The following FAM227B variants were observed in gnomAD, a reference collection of about 807,000 sequenced individuals.
The protein encoded by FAM227B is protein FAM227B.
FAM227B carries 88 observed loss-of-function variants against 73.8 expected under a neutral mutation model. The ratio of observed to expected loss-of-function variants is 1.19; its 90% CI spans 1.00 to 1.42. FAM227B has a LOEUF of 1.42. Among genes scored for constraint, FAM227B ranks in the 40% most tolerant of loss-of-function variants. The pLI, the probability that FAM227B is intolerant of heterozygous loss-of-function variation, is 0.00. For synonymous variants in FAM227B, 210 were observed against 190.5 expected, an observed-to-expected ratio of 1.10 and a Z score of -0.84; for missense variants, 632 against 590.9, an observed-to-expected ratio of 1.07 and a Z score of -0.72.
intron 11 of FAM227B, among the ~76,000 whole-genome samples, chr15:49,434,126 G>T (rs2050866810): frequency 6.6e-6 from 1 of 151,414 alleles, no homozygotes; most frequent in Admixed American, 6.6e-5. Flanking sequence ...GGAGTCTTTT[G>T]GTATCTTACG....
chr15:49,603,403 C>T (rs115069643), intron 3 of FAM227B, among the ~76,000 whole-genome samples: 2,599 of 152,092 alleles, frequency 0.017, 35 homozygotes, highest in Middle Eastern at 0.037. Context: ...GGCTACTATA[C>T]ATGGGATTAC....
At chr15:49,369,816 G>T (rs2045684914) in intron 12 of FAM227B, among the ~76,000 whole-genome samples, 1 of 152,144 alleles carries the variant, frequency 6.6e-6, no homozygotes, top group African/African-American at 2.4e-5. Flanking sequence ...CTTTCCTACA[G>T]TAGCTCTCTA....
chr15:49,354,432 G>C (rs2151328619), intron 13 of FAM227B, among the ~76,000 whole-genome samples: 1 of 152,364 alleles, frequency 6.6e-6, no homozygotes, highest in East Asian at 1.9e-4. Context: ...TGCCTCACTT[G>C]GGAAGCGCAA....
At chr15:49,499,893 G>A (rs62009983) in intron 11 of FAM227B, among the ~76,000 whole-genome samples, 49,383 of 151,948 alleles carry the variant, frequency 0.32, 8,751 homozygotes, top group African/African-American at 0.45. Flanking sequence ...CTACAACTCT[G>A]AACTATAAAG....
chr15:49,333,843 T>G (rs968046141), intron 14 of FAM227B, among the ~76,000 whole-genome samples: 8 of 152,212 alleles, frequency 5.3e-5, no homozygotes, highest in South Asian at 4.1e-4. Flanking sequence ...ATAAAATAAA[T>G]GAGCCCAATT....
At chr15:49,608,279 T>C (rs976070964) in intron 3 of FAM227B, among the ~76,000 whole-genome samples, 2 of 152,170 alleles carry the variant, frequency 1.3e-5, no homozygotes, top group African/African-American at 4.8e-5. Flanking sequence ...GAATTGGCTA[T>C]GTATTTGTCA....
intron 13 of FAM227B, among the ~76,000 whole-genome samples, chr15:49,358,501 A>G (rs1267111156): frequency 1.4e-5 from 2 of 146,874 alleles, no homozygotes; most frequent in Non-Finnish European, 3.0e-5. Flanking sequence ...CTTCAAAGAG[A>G]ATAAAATACC....
At chr15:49,377,187 A>C (rs1359269073) in intron 11 of FAM227B, among the ~76,000 whole-genome samples, 1 of 151,976 alleles carries the variant, frequency 6.6e-6, no homozygotes, top group Non-Finnish European at 1.5e-5. Flanking sequence ...TGTTGTTGCA[A>C]ATGCCTGGAC....
intron 13 of FAM227B, among the ~76,000 whole-genome samples, chr15:49,367,016 T>A (rs2045333573): frequency 6.6e-6 from 1 of 152,190 alleles, no homozygotes; most frequent in African/African-American, 2.4e-5. Flanking sequence ...AAAATAAATT[T>A]TTTAATGTGT....
At chr15:49,357,065 T>C (rs1179044853) in intron 13 of FAM227B, among the ~76,000 whole-genome samples, 1 of 150,722 alleles carries the variant, frequency 6.6e-6, no homozygotes, top group Non-Finnish European at 1.5e-5. Context: ...TACCAGAATC[T>C]CTGGGATGCA....
chr15:49,537,833 A>C (rs1282058533), intron 10 of FAM227B, among the ~76,000 whole-genome samples: 1 of 152,194 alleles, frequency 6.6e-6, no homozygotes, highest in African/African-American at 2.4e-5. Flanking sequence ...ATATTTCATG[A>C]TCTCACTGAT....
intron 9 of FAM227B, among the ~76,000 whole-genome samples, chr15:49,547,644 AAC>A (rs1178840224): frequency 6.6e-6 from 1 of 152,216 alleles, no homozygotes; most frequent in Non-Finnish European, 1.5e-5. Flanking sequence ...TCTCTGATAA[AAC>A]AGACTTTAAA....
chr15:49,423,740 A>G (rs1037235535), intron 11 of FAM227B, among the ~76,000 whole-genome samples: 2 of 152,154 alleles, frequency 1.3e-5, no homozygotes, highest in East Asian at 1.9e-4. Context: ...TAATTGTAAA[A>G]ACTTAATTTA....
At chr15:49,610,730 G>C (rs1472626303) in intron 3 of FAM227B, among the ~76,000 whole-genome samples, 1 of 152,076 alleles carries the variant, frequency 6.6e-6, no homozygotes, top group Non-Finnish European at 1.5e-5. Flanking sequence ...GGAAGACTTA[G>C]CAAGTCCAAT....
chr15:49,561,416 T>C (rs2074248392), intron 9 of FAM227B, among the ~76,000 whole-genome samples: 1 of 152,116 alleles, frequency 6.6e-6, no homozygotes, highest in African/African-American at 2.4e-5. Context: ...ACAATATTAG[T>C]AGGAAACTTC....
At chr15:49,462,171 G>T (rs1338216230) in intron 11 of FAM227B, among the ~76,000 whole-genome samples, 2 of 152,130 alleles carry the variant, frequency 1.3e-5, no homozygotes, top group African/African-American at 4.8e-5. Flanking sequence ...AAGGAGAAAT[G>T]TGTGAGGATC....
chr15:49,367,596 T>C lies in FAM227B; in HGVS notation c.1123A>G (p.Ser375Gly), dbSNP rs774513018. 2.5e-6 allele frequency: 4 copies of C among 1,572,602 alleles called. No individual in the cohort carries two copies. In the Admixed American group the frequency reaches 8.5e-5, roughly 33 times the overall value. Reference sequence around the variant, plus strand: ...ACACGATTAAACTCTGGACCAGTACTACTATAGTGCGACTGTAAGAGGAAG... The same window carrying C: ...ACACGATTAAACTCTGGACCAGTACCACTATAGTGCGACTGTAAGAGGAAG... ...SRLATKSHYS[S>G]TGPEFNRVLF... The change falls in exon 13 of 16, where the codon AGT becomes GGT. Residue 375 changes from serine to glycine, a missense_variant. By Grantham distance (56) the Ser-to-Gly change is moderately conservative. Coordinates refer to ENST00000299338, the MANE Select transcript of FAM227B (RefSeq NM_152647.3).
At chr15:49,521,368 G>A (rs1301925249) in intron 10 of FAM227B, among the ~76,000 whole-genome samples, 1 of 152,180 alleles carries the variant, frequency 6.6e-6, no homozygotes, top group Non-Finnish European at 1.5e-5. Context: ...TGGGTGTGTG[G>A]TGATCTCTGA....
chr15:49,557,661 T>G (rs974032678), intron 9 of FAM227B, among the ~76,000 whole-genome samples: 4 of 146,898 alleles, frequency 2.7e-5, no homozygotes, highest in African/African-American at 1.0e-4. Flanking sequence ...TGATGGAGAG[T>G]GGGGGAAGCT....
Sources: allele counts gnomAD v4.1 joint callset (sites outside exome capture counted in the v4.1 genomes callset), GRCh38; gene constraint gnomAD v4.1.1; transcripts MANE v1.5; gene names NCBI Gene and HGNC (gene_info 2026-07-23, HGNC 2026-07-21).